Variants in CNTN4 observed in about 807,000 individuals in gnomAD.
CNTN4 encodes the protein contactin-4.
A neutral mutation model predicts 122.5 loss-of-function variants in CNTN4; 77 were observed. The observed-to-expected ratio is 0.63, with a 90% confidence interval of 0.52 to 0.76. The LOEUF is 0.76. CNTN4 is among the 30% of genes least tolerant of loss of function. The probability of loss-of-function intolerance (pLI) is 0.00; values close to 1 mark genes in which losing one functional copy is unlikely to be tolerated. For synonymous variants in CNTN4, 512 were observed against 447.0 expected (o/e 1.15, Z -1.83); for missense variants, 1,256 against 1,259.1 (o/e 1.00, Z 0.04).
At chr3:2,708,686 C>G (rs1415322137) in intron 4 of CNTN4, among the ~76,000 whole-genome samples, 3 of 150,646 alleles carry the variant, frequency 2.0e-5, no homozygotes, top group Non-Finnish European at 3.0e-5. Flanking sequence ...CCCTCCTACC[C>G]AGAGAGCACG....
intron 4 of CNTN4, among the ~76,000 whole-genome samples, chr3:2,614,818 T>G (rs564723659): frequency 1.3e-5 from 2 of 152,010 alleles, no homozygotes; most frequent in Admixed American, 6.6e-5. Context: ...AGGAAGAGAC[T>G]AGGCCTGGAG....
chr3:2,461,373 T>A (rs2049203849), intron 3 of CNTN4, among the ~76,000 whole-genome samples: 1 of 152,220 alleles, frequency 6.6e-6, no homozygotes, highest in Admixed American at 6.5e-5. Flanking sequence ...ATTAATGAGA[T>A]AATCTACATT....
chr3:2,686,094 G>A (rs1282970397), intron 4 of CNTN4, among the ~76,000 whole-genome samples: 1 of 152,170 alleles, frequency 6.6e-6, no homozygotes, highest in Non-Finnish European at 1.5e-5. Context: ...CTGTTGGTAG[G>A]AGAAGAAGGA....
At chr3:2,924,649 T>A (rs2094456938) in intron 12 of CNTN4, among the ~76,000 whole-genome samples, 2 of 152,234 alleles carry the variant, frequency 1.3e-5, no homozygotes, top group African/African-American at 4.8e-5. Flanking sequence ...TAGGACTATG[T>A]TACTGGTGTT....
At chr3:2,926,797 T>C (rs1202155049) in intron 13 of CNTN4, among the ~76,000 whole-genome samples, 5 of 152,132 alleles carry the variant, frequency 3.3e-5, no homozygotes, top group Admixed American at 3.3e-4. Context: ...TAACACTTGC[T>C]ATGGACTAAG....
chr3:2,729,188 C>G (rs2088459526), intron 4 of CNTN4, among the ~76,000 whole-genome samples: 1 of 152,178 alleles, frequency 6.6e-6, no homozygotes, highest in Non-Finnish European at 1.5e-5. Flanking sequence ...GGCCTTCATC[C>G]CACGGAGTAG....
At chr3:2,969,526 A>ATTAT (rs1553710752) in intron 13 of CNTN4, among the ~76,000 whole-genome samples, 3 of 151,824 alleles carry the variant, frequency 2.0e-5, no homozygotes, top group African/African-American at 4.8e-5. Flanking sequence ...GATTATTATT[A>ATTAT]TTATTATTAT....
chr3:2,750,613 G>A (rs1373102253), intron 6 of CNTN4, among the ~76,000 whole-genome samples: 2 of 152,124 alleles, frequency 1.3e-5, no homozygotes, highest in Non-Finnish European at 2.9e-5. Flanking sequence ...GTAATTGGGA[G>A]CACATTTTGT....
intron 6 of CNTN4, among the ~76,000 whole-genome samples, chr3:2,747,401 T>A (rs1463278047): frequency 4.6e-5 from 6 of 130,704 alleles, no homozygotes; most frequent in Non-Finnish European, 8.0e-5. Context: ...AGAGCGAGAC[T>A]CCGTCTAAAA....
chr3:2,431,046 T>C (rs2048050264), intron 3 of CNTN4, among the ~76,000 whole-genome samples: 1 of 152,198 alleles, frequency 6.6e-6, no homozygotes, highest in South Asian at 2.1e-4. Flanking sequence ...CACCTAGCCT[T>C]TTTGTGGTCT....
chr3:2,362,595 C>G (rs548310852), intron 3 of CNTN4: 119 of 513,958 alleles, frequency 2.3e-4, no homozygotes, highest in African/African-American at 2.0e-3. Flanking sequence ...TGGACACCTA[C>G]TCCTTGTGTG....
At chr3:2,381,996 C>G (rs987693336) in intron 3 of CNTN4, among the ~76,000 whole-genome samples, 5 of 152,042 alleles carry the variant, frequency 3.3e-5, no homozygotes, top group Non-Finnish European at 7.4e-5. Flanking sequence ...AAGGCACAAA[C>G]CCTGTTTCAT....
chr3:2,860,516 T>C (rs1038255011), intron 7 of CNTN4, among the ~76,000 whole-genome samples: 1 of 152,190 alleles, frequency 6.6e-6, no homozygotes, highest in African/African-American at 2.4e-5. Flanking sequence ...GCTACAGTCA[T>C]GATTTCAGCA....
At chr3:2,856,639 CTT>C (rs2093621490) in intron 7 of CNTN4, among the ~76,000 whole-genome samples, 1 of 152,228 alleles carries the variant, frequency 6.6e-6, no homozygotes, top group South Asian at 2.1e-4. Context: ...TGTGTCTTCT[CTT>C]TGCAGCTACA....
intron 6 of CNTN4, among the ~76,000 whole-genome samples, chr3:2,818,807 A>G (rs1378222757): frequency 6.6e-6 from 1 of 152,362 alleles, no homozygotes; most frequent in East Asian, 1.9e-4. Flanking sequence ...AACCATGAAC[A>G]GTACCTTCTA....
intron 3 of CNTN4, among the ~76,000 whole-genome samples, chr3:2,489,410 C>T (rs1175244821): frequency 1.3e-5 from 2 of 152,166 alleles, no homozygotes. Context: ...GAAAGAAGCC[C>T]TCACTCCCAC....
chr3:2,549,065 G>C (rs1037818257), intron 3 of CNTN4, among the ~76,000 whole-genome samples: 1 of 152,136 alleles, frequency 6.6e-6, no homozygotes, highest in Non-Finnish European at 1.5e-5. Context: ...TCAGCTTAAG[G>C]AGATTTGGAG....
chr3:2,925,880 C>G, intron 13 of CNTN4, 101 bp downstream of exon 13: 1 of 993,542 alleles, frequency 1.0e-6, no homozygotes. Context: ...ATCTGCTGTT[C>G]CTGAACTAAG....
chr3:2,700,884 T>G (rs1286785571), intron 4 of CNTN4, among the ~76,000 whole-genome samples: 4 of 152,166 alleles, frequency 2.6e-5, no homozygotes, highest in African/African-American at 9.6e-5. Flanking sequence ...TGAACGAACA[T>G]GTTTTGTCTG....
Sources: allele counts gnomAD v4.1 joint callset (sites outside exome capture counted in the v4.1 genomes callset), GRCh38; gene constraint gnomAD v4.1.1; transcripts MANE v1.5; gene names NCBI Gene and HGNC (gene_info 2026-07-23, HGNC 2026-07-21).